THSD7A: variants seen among roughly 807,000 people sequenced by gnomAD.
THSD7A encodes the protein thrombospondin type 1 domain containing 7A.
In THSD7A, 96 loss-of-function variants were observed where a neutral mutation model predicts 231.3. The observed-to-expected ratio is 0.41, with a 90% CI of 0.35 to 0.49. THSD7A has a LOEUF of 0.49. Among genes scored for constraint, THSD7A ranks in the 20% least tolerant of loss-of-function variants. THSD7A has a pLI of 0.05. For missense variants in THSD7A, 2,290 were observed against 2,070.2 expected, an observed-to-expected ratio of 1.11 and a Z score of -2.06; for synonymous variants, 940 against 743.3, an observed-to-expected ratio of 1.26 and a Z score of -4.30.
chr7:11,704,832 C>T (rs570896568), intron 1 of THSD7A, among the ~76,000 whole-genome samples: 1 of 150,828 alleles, frequency 6.6e-6, no homozygotes, highest in South Asian at 2.1e-4. Flanking sequence ...CATAATTTGC[C>T]AAGTTGTGTG....
chr7:11,640,652 G>A (rs1782044379), intron 1 of THSD7A, among the ~76,000 whole-genome samples: 1 of 151,984 alleles, frequency 6.6e-6, no homozygotes, highest in Non-Finnish European at 1.5e-5. Context: ...GTCAACTATA[G>A]TATTTCTTAC....
At chr7:11,468,603 A>T (rs1785804116) in intron 9 of THSD7A, among the ~76,000 whole-genome samples, 1 of 152,034 alleles carries the variant, frequency 6.6e-6, no homozygotes, top group South Asian at 2.1e-4. Context: ...GGAGGCTGAG[A>T]TGGGTGGATC....
rs66964252 is a variant in THSD7A, at chr7:11,706,630, C to CTTTTTTTTTTTTTTTTT, written c.191-69686_191-69670dup. Among the ~76,000 whole-genome samples, 204 of 66,384 alleles carry CTTTTTTTTTTTTTTTTT rather than the reference C, an allele frequency of 3.1e-3. 13 individuals are homozygous for CTTTTTTTTTTTTTTTTT. The highest frequency in any genetic ancestry group is 4.3e-3 in the Admixed American group (21 of 4,838). The allele number at this position is 66,384 out of a possible 152,430, so 43.6% of individuals were successfully genotyped here. The stretch of plus-strand genomic sequence containing the variant: ...ATTGACTAAAAATTTTAACAAGGTG[C>CTTTTTTTTTTTTTTTTT]TTTTTTTTTTTTTTTTTTTTTTTTT... On this transcript the variant is annotated intron_variant, in intron 1 of 27. Transcript: ENST00000423059.
intron 4 of THSD7A, among the ~76,000 whole-genome samples, chr7:11,546,201 C>CGA (rs1338103726): frequency 5.1e-5 from 3 of 59,066 alleles, no homozygotes; most frequent in Non-Finnish European, 1.0e-4. Flanking sequence ...TGTGGGCGCG[C>CGA]GCTCACACAC....
chr7:11,518,564 A>ATC (rs1340339498), intron 6 of THSD7A, among the ~76,000 whole-genome samples: 1 of 151,676 alleles, frequency 6.6e-6, no homozygotes, highest in Non-Finnish European at 1.5e-5. Flanking sequence ...GAAAAAGTAC[A>ATC]ACAGATCATC....
chr7:11,481,296 T>A (rs1271891141), intron 7 of THSD7A, among the ~76,000 whole-genome samples: 1 of 152,162 alleles, frequency 6.6e-6, no homozygotes, highest in Non-Finnish European at 1.5e-5. Flanking sequence ...GAGCCTATGT[T>A]CAAGAAACTC....
intron 1 of THSD7A, among the ~76,000 whole-genome samples, chr7:11,805,196 G>T (rs1437675593): frequency 3.3e-5 from 5 of 152,108 alleles, no homozygotes; most frequent in Non-Finnish European, 5.9e-5. Context: ...AAGCATTCAT[G>T]TTCCCACTGC....
Position 11,707,627 on chromosome 7 carries a change from G to A in THSD7A, c.191-70666C>T, listed in dbSNP as rs4721005. On this transcript the variant is annotated intron_variant, in intron 1 of 27. Coordinates refer to ENST00000423059, the MANE Select transcript of THSD7A (RefSeq NM_015204.3). ...AGAGTCTAAGATCCTCCCCAGACAG[G>A]AGAGAAAACTTATTTTTATTTTTAA... 7.8e-3 allele frequency among the ~76,000 whole-genome samples: 1,175 copies of A among 150,934 alleles called. 15 individuals are homozygous for A. The highest frequency in any genetic ancestry group is 0.027 in the African/African-American group (1,106 of 41,374).
chr7:11,654,195 A>G (rs1005143534), intron 1 of THSD7A, among the ~76,000 whole-genome samples: 1 of 151,972 alleles, frequency 6.6e-6, no homozygotes, highest in Non-Finnish European at 1.5e-5. Flanking sequence ...CTTAAGAATT[A>G]GATTCTTTGA....
intron 23 of THSD7A, among the ~76,000 whole-genome samples, chr7:11,394,644 G>A (rs1783110974): frequency 6.6e-6 from 1 of 152,178 alleles, no homozygotes; most frequent in Admixed American, 6.5e-5. Flanking sequence ...CTTGAAAGGG[G>A]AACAATAAAT....
chr7:11,777,414 TACACACACACAC>T (rs66487858), intron 1 of THSD7A, among the ~76,000 whole-genome samples: 23,647 of 147,148 alleles, frequency 0.16, 1,941 homozygotes, highest in African/African-American at 0.18. Flanking sequence ...GTAAATTAAG[TACACACACACAC>T]ACACACACAC....
intron 4 of THSD7A, among the ~76,000 whole-genome samples, chr7:11,558,047 G>C (rs752503331): frequency 6.6e-6 from 1 of 152,126 alleles, no homozygotes. Context: ...GCTAGAAAGA[G>C]CAGGAATTTG....
Position 11,636,915 on chromosome 7 carries a change from G to C in THSD7A, c.237C>G (p.Ile79Met). Reference sequence around the variant, plus strand: ...GAGCACACCACACAGCCCTCGTTTGGATGCCTCCGGGACCACATTCATCTC... The same window carrying C: ...GAGCACACCACACAGCCCTCGTTTGCATGCCTCCGGGACCACATTCATCTC... ...CMGDECGPGG[I>M]QTRAVWCAHV... The change falls in exon 2 of 28, where the codon ATC becomes ATG. Residue 79 changes from isoleucine to methionine, a missense_variant. Transcript: ENST00000423059. This position sits in a 1 kb window ranked among gnomAD's most constrained non-coding sequence, Gnocchi z 10.0. 1.9e-6 allele frequency: 3 copies of C among 1,613,052 alleles called. No homozygotes were observed. The highest frequency in any genetic ancestry group is 1.7e-5 in the Admixed American group (1 of 60,014).
intron 4 of THSD7A, among the ~76,000 whole-genome samples, chr7:11,568,593 C>A (rs1321904445): frequency 3.2e-5 from 4 of 126,862 alleles, no homozygotes; most frequent in Admixed American, 9.8e-5. Flanking sequence ...CCACTGCACT[C>A]CAACCTGAGT....
intron 1 of THSD7A, among the ~76,000 whole-genome samples, chr7:11,800,047 A>T (rs748567115): frequency 5.3e-5 from 8 of 152,150 alleles, no homozygotes; most frequent in Non-Finnish European, 1.0e-4. Context: ...GGAGAGTGTA[A>T]GGCGCTGGCT....
chr7:11,488,251 A>G (rs1746273168), intron 6 of THSD7A, among the ~76,000 whole-genome samples: 1 of 152,154 alleles, frequency 6.6e-6, no homozygotes, highest in Admixed American at 6.6e-5. Flanking sequence ...AAAAATTCAC[A>G]TTGACTTTTG....
At chr7:11,801,899 T>C (rs1183198788) in intron 1 of THSD7A, among the ~76,000 whole-genome samples, 1 of 152,214 alleles carries the variant, frequency 6.6e-6, no homozygotes, top group Non-Finnish European at 1.5e-5. Context: ...TGCATAGTTA[T>C]CAGGAATAAC....
chr7:11,763,358 T>C (rs1262053494), intron 1 of THSD7A, among the ~76,000 whole-genome samples: 1 of 152,220 alleles, frequency 6.6e-6, no homozygotes, highest in African/African-American at 2.4e-5. Context: ...AATACTTTGC[T>C]GTCCATATCT....
At chr7:11,805,872 TC>T (rs1486373270) in intron 1 of THSD7A, among the ~76,000 whole-genome samples, 1 of 152,162 alleles carries the variant, frequency 6.6e-6, no homozygotes, top group African/African-American at 2.4e-5. Context: ...TCTCAATATT[TC>T]ACGTGTTTTG....
Sources: gnomAD v4.1 joint callset for allele counts (sites outside exome capture counted in the v4.1 genomes callset) on GRCh38, gnomAD v4.1.1 for gene constraint, Gnocchi (gnomAD v3.1) non-coding constraint, MANE v1.5 for transcripts, NCBI Gene and HGNC (gene_info 2026-07-23, HGNC 2026-07-21) for gene names.